RASSF8: variants seen among roughly 807,000 people sequenced by gnomAD.
The protein encoded by RASSF8 is Ras association domain family member 8.
In RASSF8, 22 loss-of-function variants were observed where a neutral mutation model predicts 48.5. That is an observed-to-expected ratio of 0.45 (90% CI 0.32 to 0.65). The LOEUF is 0.65. Ranked by LOEUF, RASSF8 falls within the 30% of genes least tolerant of loss-of-function variation. The pLI is 0.03. For synonymous variants in RASSF8, 127 were observed against 171.5 expected (o/e 0.74, Z 2.03); for missense variants, 418 against 489.2 (o/e 0.85, Z 1.37).
At chr12:26,037,102 C>T (rs905679231) in intron 2 of RASSF8, among the ~76,000 whole-genome samples, 1 of 152,028 alleles carries the variant, frequency 6.6e-6, no homozygotes, top group Non-Finnish European at 1.5e-5. Context: ...AAAAAGTCTA[C>T]CCAGGGACTA....
rs1945238702 is a variant in RASSF8, at chr12:26,044,317, T to A, written c.-108-10919T>A. Among the ~76,000 whole-genome samples the A allele has an allele frequency of 2.6e-5, 4 of 152,302 alleles. No homozygotes were observed. In the South Asian group the frequency reaches 8.3e-4, roughly 32 times the overall value. Reference sequence around the variant, plus strand: ...GCAGTGCTTGAGTTTTGGTTTTTACTGTGAAATTGTAGGACTTAAATATAA... The same window carrying A: ...GCAGTGCTTGAGTTTTGGTTTTTACAGTGAAATTGTAGGACTTAAATATAA... On this transcript the variant is annotated intron_variant, in intron 2 of 5. Coordinates refer to ENST00000689635, the MANE Select transcript of RASSF8 (RefSeq NM_001394098.1).
chr12:26,055,659 T>A (rs904661222), intron 3 of RASSF8, among the ~76,000 whole-genome samples: 5 of 151,768 alleles, frequency 3.3e-5, no homozygotes, highest in African/African-American at 1.2e-4. Context: ...TAACCCTGAG[T>A]TAACATCTAC....
intron 3 of RASSF8, among the ~76,000 whole-genome samples, chr12:26,055,678 C>G (rs1943586939): frequency 6.6e-6 from 1 of 152,146 alleles, no homozygotes; most frequent in Admixed American, 6.6e-5. Flanking sequence ...ACACTGCCTT[C>G]TCCTCTCCTG....
chr12:26,035,873 T>C lies in RASSF8; in HGVS notation c.-108-19363T>C. On this transcript the variant is annotated intron_variant, in intron 2 of 5. Coordinates refer to ENST00000689635, the MANE Select transcript of RASSF8 (RefSeq NM_001394098.1). ...TTATATAAAATATAATAAAATTATA[T>C]ATTATATATTATATATAATTATAAT... Among the ~76,000 whole-genome samples, 5 of 140,954 alleles carry C rather than the reference T, an allele frequency of 3.5e-5. No individual in the cohort carries two copies. In the East Asian group the frequency reaches 1.1e-3, roughly 30 times the overall value. 92.5% of individuals were successfully genotyped at this position (140,954 alleles called of 152,430 possible).
intron 2 of RASSF8, among the ~76,000 whole-genome samples, chr12:26,013,811 G>A (rs1299350546): frequency 6.6e-6 from 1 of 152,008 alleles, no homozygotes; most frequent in African/African-American, 2.4e-5. Flanking sequence ...CTTTAATGTG[G>A]CTATTGTTGA....
rs1334083810 is a variant in RASSF8 at position 26,064,549 on chromosome 12, A to G, written c.155A>G (p.His52Arg). Residue 52 changes from histidine (H) to arginine (R), a missense_variant, in exon 4 of 6, where the codon CAC becomes CGC. Physicochemically the swap from His to Arg is conservative, Grantham distance 29 (BLOSUM62 0). Transcript: ENST00000689635. ...GAGAAATGGAGAGATACTGAAAGACACTTAGCACCTCATGAAAATCCTATC... is the reference window on the plus strand; with the variant it reads ...GAGAAATGGAGAGATACTGAAAGACGCTTAGCACCTCATGAAAATCCTATC... Reference protein sequence around the residue: ...LIEKWRDTERHLAPHENPIIS... With the variant: ...LIEKWRDTERRLAPHENPIIS... 1 of 1,611,712 alleles carries G rather than the reference A, an allele frequency of 6.2e-7. No homozygotes were observed. Among genetic ancestry groups the G allele is most frequent in the Non-Finnish European group, 8.5e-7 (1 of 1,178,852 alleles).
chr12:26,033,434 C>G (rs187382510), intron 2 of RASSF8, among the ~76,000 whole-genome samples: 2 of 152,186 alleles, frequency 1.3e-5, no homozygotes, highest in Non-Finnish European at 2.9e-5. Flanking sequence ...TATTTTTCCA[C>G]TATATTTGTG....
chr12:26,056,903 T>G (rs1943615411), intron 3 of RASSF8, among the ~76,000 whole-genome samples: 1 of 152,248 alleles, frequency 6.6e-6, no homozygotes. Flanking sequence ...GAGCTTCACT[T>G]AATTTATGTG....
chr12:26,019,563 CTGTGTGTGTGTGTG>C (rs56895234), intron 2 of RASSF8, among the ~76,000 whole-genome samples: 15,661 of 148,194 alleles, frequency 0.11, 1,215 homozygotes, highest in East Asian at 0.27. Context: ...CGGGCATACA[CTGTGTGTGTGTGTG>C]TGTGTGTGTG....
intron 1 of RASSF8, 160 bp downstream of exon 1, chr12:25,959,308 C>G (rs1278829156): frequency 2.6e-5 from 4 of 152,516 alleles, no homozygotes; most frequent in Non-Finnish European, 5.9e-5. Context: ...CGCGGGCTCC[C>G]GCTCCCTCTG....
chr12:26,003,915 G>A (rs1942322438), intron 2 of RASSF8, among the ~76,000 whole-genome samples: 1 of 152,174 alleles, frequency 6.6e-6, no homozygotes, highest in Non-Finnish European at 1.5e-5. Context: ...GGTGGCTCAT[G>A]CATGTAATCC....
intron 1 of RASSF8, among the ~76,000 whole-genome samples, chr12:25,965,913 C>A (rs979426455): frequency 3.3e-5 from 5 of 152,184 alleles, no homozygotes; most frequent in Admixed American, 3.3e-4. Context: ...TGTGAGTACA[C>A]AGCAATTCAT....
chr12:26,046,953 G>A (rs544025093), intron 2 of RASSF8, among the ~76,000 whole-genome samples: 52 of 152,156 alleles, frequency 3.4e-4, no homozygotes, highest in Non-Finnish European at 6.3e-4. Flanking sequence ...CCATGAAATA[G>A]CACATGTAGT....
At chr12:25,990,516 G>A (rs1941990622) in intron 1 of RASSF8, among the ~76,000 whole-genome samples, 1 of 152,056 alleles carries the variant, frequency 6.6e-6, no homozygotes, top group East Asian at 1.9e-4. Context: ...AACTAATATA[G>A]CTTAATAGCA....
At chr12:26,032,827 G>A (rs1943057232) in intron 2 of RASSF8, among the ~76,000 whole-genome samples, 1 of 152,152 alleles carries the variant, frequency 6.6e-6, no homozygotes, top group Non-Finnish European at 1.5e-5. Context: ...AACAGCGTAT[G>A]TACACAATTG....
intron 1 of RASSF8, among the ~76,000 whole-genome samples, chr12:25,965,363 C>CT (rs11420016): frequency 0.28 from 33,084 of 116,852 alleles, 4,998 homozygotes; most frequent in African/African-American, 0.32. Context: ...TCCCAAATTT[C>CT]TTTTTTTTTT....
rs947739694 is a variant in RASSF8 at position 25,969,718 on chromosome 12, C to A, written c.-203+10570C>A. Among the ~76,000 whole-genome samples the A allele has an allele frequency of 1.1e-3, 174 of 152,246 alleles. 2 individuals carry two copies. The highest frequency in any genetic ancestry group is 2.8e-4 in the Non-Finnish European group (19 of 68,018). On this transcript the variant is annotated intron_variant, in intron 1 of 5. Transcript: ENST00000689635. ...CAAGTTTTCTTTGCTGCCTTGTCTG[C>A]TCCCTCTTGAACAGGGGTTCTCCAG...
At position 25,962,825 on chromosome 12, in the gene RASSF8, A is replaced by T. The variant is rs537461824; in HGVS notation, c.-203+3677A>T. Among the ~76,000 whole-genome samples the T allele has an allele frequency of 7.2e-5, 11 of 152,322 alleles. No individual in the cohort carries two copies. The South Asian group carries it at 1.5e-3, about 20-fold the overall frequency. ...TTTCTATATTCCTTCTTTGCTGGTT[A>T]TATGTATAATATGAAACGGCCTTTG... On this transcript the variant is annotated intron_variant, in intron 1 of 5. Transcript: ENST00000689635.
intron 2 of RASSF8, among the ~76,000 whole-genome samples, chr12:25,997,456 GGTGTGTGTAT>G (rs1285593832): frequency 6.6e-6 from 1 of 151,878 alleles, no homozygotes; most frequent in African/African-American, 2.4e-5. Flanking sequence ...TATTTTAAAG[GGTGTGTGTAT>G]GTGTGTGTGT....
Sources: allele counts gnomAD v4.1 joint callset (sites outside exome capture counted in the v4.1 genomes callset), GRCh38; gene constraint gnomAD v4.1.1; transcripts MANE v1.5; gene names NCBI Gene and HGNC (gene_info 2026-07-23, HGNC 2026-07-21).